Variants in ZNF160 observed in about 807,000 individuals in gnomAD.
ZNF160 encodes the protein KRAB zinc finger protein KR18.
In ZNF160, 9 loss-of-function variants were observed where a neutral mutation model predicts 13.1. That is an observed-to-expected ratio of 0.69 (90% CI 0.41 to 1.20). The LOEUF is 1.20. Among genes scored for constraint, ZNF160 ranks in the 50% most tolerant of loss-of-function variants. The probability of loss-of-function intolerance (pLI) is 0.01; values close to 1 mark genes in which losing one functional copy is unlikely to be tolerated. For synonymous variants in ZNF160, 293 were observed against 333.2 expected (o/e 0.88, Z 1.31); for missense variants, 838 against 988.0 (o/e 0.85, Z 2.04).
intron 4 of ZNF160, 97 bp from the exon 5 acceptor site, chr19:53,074,365 A>G: frequency 2.0e-6 from 3 of 1,514,074 alleles, no homozygotes; most frequent in Non-Finnish European, 2.6e-6. Flanking sequence ...ATCTAAGAAA[A>G]CTTCAAAAAT....
chr19:53,092,653 A>G (rs774007742), intron 1 of ZNF160, among the ~76,000 whole-genome samples: 4 of 152,194 alleles, frequency 2.6e-5, no homozygotes, highest in African/African-American at 9.6e-5. Flanking sequence ...AAGTAAAACT[A>G]GATTATCAAA....
At chr19:53,073,781 A>ATTTT (rs2084274110) in intron 5 of ZNF160, among the ~76,000 whole-genome samples, 1 of 148,782 alleles carries the variant, frequency 6.7e-6, no homozygotes, top group African/African-American at 2.5e-5. Flanking sequence ...AGAGTTTCCC[A>ATTTT]CTTTATTTAT....
intron 3 of ZNF160, chr19:53,077,064 T>A (rs1287477903): frequency 6.6e-6 from 1 of 152,154 alleles, no homozygotes; most frequent in Non-Finnish European, 1.5e-5. Flanking sequence ...AACAAAGCCA[T>A]CCGTCATAAA....
chr19:53,077,172 A>C (rs544821604), intron 3 of ZNF160: 1 of 152,336 alleles, frequency 6.6e-6, no homozygotes. Flanking sequence ...CAGACAACAG[A>C]GGCATTCCTG....
Position 53,069,946 on chromosome 19 carries a change from T to G in ZNF160, c.588A>C (p.Gln196His). ...TACATTCATACATTTTCCCCTCACC[T>G]TGAAATAGCTGCAGTTCAGGCAGAT... ...HSHLPELQLF[Q>H]GEGKMYECNQ... is the part of the protein sequence containing the mutation. Residue 196 changes from glutamine (Q) to histidine (H), a missense_variant, in exon 6 of 6, where the codon CAA becomes CAC. Physicochemically the swap from Gln to His is conservative, Grantham distance 24. Around this residue, in one of 3 missense-constraint regions of ZNF160, gnomAD observed 387 missense variants for 402.3 expected, o/e 0.96. Coordinates refer to ENST00000683776, the MANE Select transcript of ZNF160 (RefSeq NM_001322131.2). This position sits in a 1 kb window ranked among gnomAD's most constrained non-coding sequence, Gnocchi z 4.4. 1 of 1,614,152 alleles carries G rather than the reference T, an allele frequency of 6.2e-7. No individual in the cohort carries two copies. The highest frequency in any genetic ancestry group is 8.5e-7 in the Non-Finnish European group (1 of 1,180,034).
intron 2 of ZNF160, among the ~76,000 whole-genome samples, chr19:53,088,606 A>G (rs1206120853): frequency 6.6e-6 from 1 of 152,208 alleles, no homozygotes; most frequent in Non-Finnish European, 1.5e-5. Context: ...TACTTATTAC[A>G]GAGGGAAATG....
intron 2 of ZNF160, 37 bp from the exon 3 acceptor site, chr19:53,086,358 T>C: frequency 6.6e-7 from 1 of 1,515,052 alleles, no homozygotes; most frequent in Non-Finnish European, 8.8e-7. Flanking sequence ...AAGTCAATAC[T>C]GAATATCCAA....
chr19:53,094,651 C>A (rs8103960), intron 1 of ZNF160, among the ~76,000 whole-genome samples: 86,555 of 151,994 alleles, frequency 0.57, 25,052 homozygotes, highest in Non-Finnish European at 0.61. Flanking sequence ...GGCCCAGTAC[C>A]ATTCTGTTCT....
chr19:53,090,035 T>TC (rs1257840817), intron 2 of ZNF160, among the ~76,000 whole-genome samples: 1 of 151,316 alleles, frequency 6.6e-6, no homozygotes, highest in Non-Finnish European at 1.5e-5. Flanking sequence ...TCATCTTTGC[T>TC]CCCCCTCTGC....
At chr19:53,099,807 C>T (rs1206052018) in intron 1 of ZNF160, among the ~76,000 whole-genome samples, 4 of 152,132 alleles carry the variant, frequency 2.6e-5, no homozygotes, top group South Asian at 2.1e-4. Context: ...CTCACCTTCA[C>T]GTTGCAGGTG....
chr19:53,068,730 A>G lies in ZNF160; in HGVS notation c.1804T>C (p.Phe602Leu). The G allele has an allele frequency of 6.2e-7, 1 of 1,614,176 alleles. No homozygotes were observed. The highest frequency in any genetic ancestry group is 8.5e-7 in the Non-Finnish European group (1 of 1,180,036). ...AAAGTTAGGCTTGAACGATCACTAA[A>G]GGCTCTGCCACAGTCATTACACTTG... Reference protein sequence around the residue: ...PYKCNDCGRAFSDRSSLTFHQ... With the variant: ...PYKCNDCGRALSDRSSLTFHQ... Residue 602 changes from phenylalanine to leucine, a missense_variant, in exon 6 of 6, where the codon TTT (phenylalanine) becomes CTT (leucine). Transcript: ENST00000683776.
At chr19:53,103,208 G>C (rs2085513073) in intron 1 of ZNF160, 57 bp downstream of exon 1, 1 of 152,392 alleles carries the variant, frequency 6.6e-6, no homozygotes, top group East Asian at 1.9e-4. Context: ...ACCAGCCTCA[G>C]GGCGACTTTA....
Position 53,067,621 on chromosome 19 carries a change from C to T in ZNF160, c.*456G>A, listed in dbSNP as rs2084007633. ...AGGCTTTCCAAAAAACCTCAAATAA[C>T]TCAGTGAAACATTTCATAAGGTGAA... On this transcript the variant is annotated 3_prime_UTR_variant, in exon 6 of 6. Transcript: ENST00000683776. 1 of 154,662 alleles carries T rather than the reference C, an allele frequency of 6.5e-6. No individual in the cohort carries two copies. The highest frequency in any genetic ancestry group is 2.0e-4 in the South Asian group (1 of 4,950). 9.6% of individuals were successfully genotyped at this position (154,662 alleles called of 1,614,324 possible). A position where few individuals can be genotyped will look rare whatever the true frequency, so the allele number is the denominator to read the frequency against.
rs2084027960 is a variant in ZNF160, at chr19:53,068,235, C to T, written c.2299G>A (p.Gly767Arg). 7 of 1,614,192 alleles carry T rather than the reference C, an allele frequency of 4.3e-6. No homozygotes were observed. In the South Asian group the frequency reaches 6.6e-5, roughly 15 times the overall value. ...GEKPYRCTEC[G>R]KAFRVRSSLT... ...CTTGATCTTACCCTAAAGGCTTTCCCACACTCTGTACACCTGTAAGGTTTC... is the reference window on the plus strand; with the variant it reads ...CTTGATCTTACCCTAAAGGCTTTCCTACACTCTGTACACCTGTAAGGTTTC... Residue 767 changes from glycine (G) to arginine (R), a missense_variant, in exon 6 of 6, where the codon GGG (glycine) becomes AGG (arginine). This residue lies in a region of ZNF160 where 400 missense variants were observed against 538.9 expected (regional missense o/e 0.74). Transcript: ENST00000683776.
chr19:53,085,769 C>A, intron 3 of ZNF160: 2 of 424,880 alleles, frequency 4.7e-6, no homozygotes, highest in South Asian at 4.2e-5. Context: ...ATTCTGTTCC[C>A]AGTCTTTACG....
chr19:53,096,234 C>CTGAA (rs770982394), intron 1 of ZNF160, among the ~76,000 whole-genome samples: 10 of 152,170 alleles, frequency 6.6e-5, no homozygotes, highest in Non-Finnish European at 8.8e-5. Flanking sequence ...AAATAAATAA[C>CTGAA]TGAATGAATG....
chr19:53,082,383 C>T (rs1363649850), intron 3 of ZNF160, among the ~76,000 whole-genome samples: 1 of 152,152 alleles, frequency 6.6e-6, no homozygotes, highest in African/African-American at 2.4e-5. Flanking sequence ...TCAGAAAATG[C>T]TTCTAAAATC....
In ZNF160 at chr19:53,069,213, C is replaced by T. The variant is rs1288594433; in HGVS notation, c.1321G>A (p.Gly441Arg). 8.1e-6 allele frequency: 13 copies of T among 1,611,104 alleles called. No homozygotes were observed. The highest frequency in any genetic ancestry group is 1.3e-5 in the African/African-American group (1 of 74,718). Residue 441 changes from glycine (G) to arginine (R), a missense_variant, in exon 6 of 6, where the codon GGA becomes AGA. This residue lies in a region of ZNF160 where 400 missense variants were observed against 538.9 expected (regional missense o/e 0.74). Coordinates refer to ENST00000683776, the MANE Select transcript of ZNF160 (RefSeq NM_001322131.2). This position sits in a 1 kb window ranked among gnomAD's most constrained non-coding sequence, Gnocchi z 4.4. ...GKVFRYNSYL[G>R]RHRRVHTGEK... is the part of the protein sequence containing the mutation. ...CCAGTATGAACTCTCCGATGCCTTC[C>T]GAGGTATGAATTGTACCTAAAGACT...
chr19:53,102,829 G>A (rs2085496070), intron 1 of ZNF160, among the ~76,000 whole-genome samples: 1 of 152,158 alleles, frequency 6.6e-6, no homozygotes, highest in African/African-American at 2.4e-5. Flanking sequence ...GACGGGCCCC[G>A]GGCACCTCCC....
Sources: allele counts gnomAD v4.1 joint callset (sites outside exome capture counted in the v4.1 genomes callset), GRCh38; gene constraint gnomAD v4.1.1; regional missense constraint gnomAD v4.1.1; non-coding constraint Gnocchi (gnomAD v3.1); transcripts MANE v1.5; gene names NCBI Gene and HGNC (gene_info 2026-07-23, HGNC 2026-07-21).